The following CNOT10 variants were observed in gnomAD, a reference collection of about 807,000 sequenced individuals.
CNOT10 encodes CCR4-NOT transcription complex, subunit 10.
A neutral mutation model predicts 94.6 loss-of-function variants in CNOT10; 30 were observed. That is an observed-to-expected ratio of 0.32 (90% CI 0.24 to 0.43). The LOEUF (loss-of-function observed/expected upper bound fraction) is 0.43. CNOT10 is among the 20% of genes least tolerant of loss of function. The pLI is 1.00. For synonymous variants in CNOT10, 289 were observed against 301.6 expected (o/e 0.96, Z 0.43); for missense variants, 759 against 877.2 (o/e 0.87, Z 1.70).
chr3:32,766,601 C>A (rs1700656053), intron 17 of CNOT10, among the ~76,000 whole-genome samples: 1 of 130,610 alleles, frequency 7.7e-6, no homozygotes, highest in Non-Finnish European at 1.6e-5. Context: ...CCACTGCACT[C>A]CAGCCCGGGC....
intron 1 of CNOT10, chr3:32,695,410 C>T: frequency 1.9e-6 from 1 of 539,232 alleles, no homozygotes; most frequent in East Asian, 3.5e-5. Flanking sequence ...TTTTAACATC[C>T]CTTTTTTCTT....
chr3:32,722,113 C>T (rs1698446634), intron 8 of CNOT10, among the ~76,000 whole-genome samples: 2 of 152,150 alleles, frequency 1.3e-5, no homozygotes, highest in Non-Finnish European at 2.9e-5. Flanking sequence ...TGAGGATAAA[C>T]TATTGAAAAT....
At chr3:32,757,597 A>G (rs1700277826) in intron 13 of CNOT10, among the ~76,000 whole-genome samples, 1 of 152,226 alleles carries the variant, frequency 6.6e-6, no homozygotes, top group Non-Finnish European at 1.5e-5. Context: ...AATGAATGTC[A>G]TTGCCATTTT....
chr3:32,756,100 C>T (rs1700215854), intron 13 of CNOT10, among the ~76,000 whole-genome samples: 1 of 151,960 alleles, frequency 6.6e-6, no homozygotes, highest in Non-Finnish European at 1.5e-5. Context: ...GTGCAGAGTG[C>T]GGTGTTTTCT....
intron 15 of CNOT10, 97 bp downstream of exon 15, chr3:32,762,960 G>A (rs1364543966): frequency 7.4e-7 from 1 of 1,351,304 alleles, no homozygotes; most frequent in Non-Finnish European, 9.7e-7. Flanking sequence ...GTGGTAATGA[G>A]AAGAAAGTTT....
At chr3:32,764,567 G>A (rs1700586620) in intron 16 of CNOT10, 77 bp downstream of exon 16, 37 of 1,603,564 alleles carry the variant, frequency 2.3e-5, no homozygotes, top group Admixed American at 3.4e-5. Flanking sequence ...TTCTGTGTTC[G>A]TTTTTCTGCC....
intron 17 of CNOT10, among the ~76,000 whole-genome samples, chr3:32,767,056 C>G (rs1700676069): frequency 6.6e-6 from 1 of 152,166 alleles, no homozygotes. Flanking sequence ...TTAGGAGACA[C>G]CTTCCTAAAA....
chr3:32,708,894 A>G, intron 4 of CNOT10, 74 bp downstream of exon 4: 1 of 1,250,120 alleles, frequency 8.0e-7, no homozygotes, highest in Admixed American at 2.5e-5. Context: ...TTTTACCTAG[A>G]TAACCTAAAT....
At position 32,757,501 on chromosome 3, in the gene CNOT10, C is replaced by T. The variant is rs1037447663; in HGVS notation, c.1596-1957C>T. ...GCCACTAATGGTCTTCTTGAGCCTC[C>T]GGAGACCGGACCTTTAATAGTCTTT... On this transcript the variant is annotated intron_variant, in intron 13 of 18. Transcript: ENST00000328834. 1.1e-4 allele frequency among the ~76,000 whole-genome samples: 17 copies of T among 152,220 alleles called. No individual in the cohort carries two copies. The South Asian group carries it at 1.9e-3, about 17-fold the overall frequency.
At chr3:32,760,581 A>G (rs537709470) in intron 14 of CNOT10, among the ~76,000 whole-genome samples, 1 of 152,208 alleles carries the variant, frequency 6.6e-6, no homozygotes, top group East Asian at 1.9e-4. Context: ...GCGGTGAGCC[A>G]CGGTTGCACC....
Position 32,707,308 on chromosome 3 carries a change from G to A in CNOT10, c.280-1362G>A, listed in dbSNP as rs183953073. ...TTTTTCTTTTGTGTCAGTTACAGAT[G>A]TTAGCCTTTAGTGAAGCCCATAAAA... On this transcript the variant is annotated intron_variant, in intron 3 of 18. Transcript: ENST00000328834. Among the ~76,000 whole-genome samples, 100 of 151,318 alleles carry A rather than the reference G, an allele frequency of 6.6e-4. 2 individuals are homozygous for A. The East Asian group carries it at 0.017, about 26-fold the overall frequency.
intron 13 of CNOT10, among the ~76,000 whole-genome samples, chr3:32,748,477 G>A (rs976389753): frequency 9.9e-5 from 15 of 151,990 alleles, no homozygotes; most frequent in African/African-American, 2.9e-4. Flanking sequence ...ATGATTGATC[G>A]CAATAGAATA....
intron 1 of CNOT10, among the ~76,000 whole-genome samples, chr3:32,697,317 A>C (rs1697120726): frequency 6.6e-6 from 1 of 152,218 alleles, no homozygotes; most frequent in African/African-American, 2.4e-5. Flanking sequence ...TTAGTGGAGA[A>C]TAGAAGCTCA....
intron 1 of CNOT10, among the ~76,000 whole-genome samples, chr3:32,703,595 G>T (rs1048623456): frequency 1.2e-4 from 19 of 152,278 alleles, no homozygotes; most frequent in African/African-American, 4.3e-4. Flanking sequence ...TGTCCAAGGG[G>T]GAGGTATCTT....
intron 1 of CNOT10, among the ~76,000 whole-genome samples, chr3:32,694,166 T>C (rs1238944377): frequency 1.3e-5 from 2 of 151,474 alleles, no homozygotes; most frequent in East Asian, 3.9e-4. Flanking sequence ...TTAAAAAAAG[T>C]GTTTGGTACT....
At position 32,717,056 on chromosome 3, in the gene CNOT10, T is replaced by G. The variant is rs1360660536; in HGVS notation, c.661-98T>G. 4 of 627,166 alleles carry G rather than the reference T, an allele frequency of 6.4e-6. No homozygotes were observed. The South Asian group carries it at 9.2e-5, about 14-fold the overall frequency. The allele number at this position is 627,166 out of a possible 1,614,324, so 38.9% of individuals were successfully genotyped here. The stretch of plus-strand genomic sequence containing the variant: ...AACTTGATTTAGCAAGTAATTAGTG[T>G]AACTATGTTGTAAATAGATTGGGTT... On this transcript the variant is annotated intron_variant, in intron 6 of 18. Transcript: ENST00000328834.
chr3:32,762,642 G>C, intron 14 of CNOT10, 91 bp from the exon 15 acceptor site: 11 of 1,321,300 alleles, frequency 8.3e-6, no homozygotes, highest in Non-Finnish European at 1.0e-5. Context: ...TATATCCAAT[G>C]TATAATAACA....
chr3:32,707,941 A>G (rs945688051), intron 3 of CNOT10, among the ~76,000 whole-genome samples: 1 of 152,164 alleles, frequency 6.6e-6, no homozygotes, highest in African/African-American at 2.4e-5. Flanking sequence ...GCTAGAGTGC[A>G]GTGATGTGAT....
At chr3:32,756,046 A>G (rs1376413763) in intron 13 of CNOT10, among the ~76,000 whole-genome samples, 2 of 152,200 alleles carry the variant, frequency 1.3e-5, no homozygotes, top group Non-Finnish European at 2.9e-5. Flanking sequence ...CTGGGGGCTC[A>G]GTAGAGCCAT....
Sources: allele counts gnomAD v4.1 joint callset (sites outside exome capture counted in the v4.1 genomes callset), GRCh38; gene constraint gnomAD v4.1.1; transcripts MANE v1.5; gene names NCBI Gene and HGNC (gene_info 2026-07-23, HGNC 2026-07-21).